The following COL6A2 variants were observed in gnomAD, a reference collection of about 807,000 sequenced individuals.
COL6A2 encodes the protein collagen type VI alpha 2 chain.
In COL6A2, 90 loss-of-function variants were observed where a neutral mutation model predicts 124.9. The observed-to-expected ratio is 0.72, with a 90% CI of 0.61 to 0.86. The LOEUF is 0.86. Among genes scored for constraint, COL6A2 ranks in the 40% least tolerant of loss-of-function variants. The pLI is 0.00. For synonymous variants in COL6A2, 793 were observed against 618.2 expected, an observed-to-expected ratio of 1.28 and a Z score of -4.19; for missense variants, 1,607 against 1,502.5, an observed-to-expected ratio of 1.07 and a Z score of -1.15.
chr21:46,131,314 A>G (rs2078757181), intron 27 of COL6A2, among the ~76,000 whole-genome samples: 1 of 152,186 alleles, frequency 6.6e-6, no homozygotes, highest in Admixed American at 6.5e-5. Context: ...CCCGATGCCC[A>G]GGGCTGGTGA....
chr21:46,131,460 G>A (rs976142917), intron 27 of COL6A2, among the ~76,000 whole-genome samples: 3 of 152,220 alleles, frequency 2.0e-5, no homozygotes, highest in East Asian at 1.9e-4. Flanking sequence ...GGGGCTCCTG[G>A]TCTTTCCGGG....
In COL6A2 at chr21:46,120,526, C is replaced by A; in HGVS notation, c.1344C>A (p.Gly448=). ...DGPKGEKGDP[G]PEGPRGLAGE... ...TTCCCTTCCCACAGGGGGACCCTGG[C>A]CCTGAGGGGCCCCGCGGCCTGGCTG... The change falls in exon 16 of 28, where the codon GGC becomes GGA. Residue 448 remains glycine, a synonymous_variant. Coordinates refer to ENST00000300527, the MANE Select transcript of COL6A2 (RefSeq NM_001849.4). The A allele has an allele frequency of 6.7e-7, 1 of 1,493,990 alleles. No individual in the cohort carries two copies. Among genetic ancestry groups the A allele is most frequent in the Non-Finnish European group, 8.9e-7 (1 of 1,124,322 alleles). The allele number at this position is 1,493,990 out of a possible 1,614,324, so 92.5% of individuals were successfully genotyped here.
In COL6A2 at chr21:46,125,933, C is replaced by T. The variant is rs759188267; in HGVS notation, c.2118C>T (p.Ala706=). The T allele has an allele frequency of 2.5e-6, 4 of 1,613,204 alleles. No homozygotes were observed. The highest frequency in any genetic ancestry group is 3.4e-6 in the Non-Finnish European group (4 of 1,179,968). ...CGGGCGGCACCTGGACACCCTCAGC[C>T]CTCAAGTTTGCCTACGACCGCCTCA... ...WIAGGTWTPS[A]LKFAYDRLIK... The change falls in exon 26 of 28, where the codon GCC becomes GCT. Residue 706 remains alanine (A), a synonymous_variant. Transcript: ENST00000300527.
chr21:46,120,435 C>A lies in COL6A2; in HGVS notation c.1333-80C>A, dbSNP rs79433633. On this transcript the variant is annotated intron_variant, in intron 15 of 27. Coordinates refer to ENST00000300527, the MANE Select transcript of COL6A2 (RefSeq NM_001849.4). Reference sequence around the variant, plus strand: ...CTCCCAGGCCCCCTTCCCCAACCCCCGGCCACACCCGCCTCTCACATGGGA... The same window carrying A: ...CTCCCAGGCCCCCTTCCCCAACCCCAGGCCACACCCGCCTCTCACATGGGA... 5 of 1,207,446 alleles carry A rather than the reference C, an allele frequency of 4.1e-6. No individual in the cohort carries two copies. In the African/African-American group the frequency reaches 6.1e-5, roughly 15 times the overall value. 74.8% of individuals were successfully genotyped at this position (1,207,446 alleles called of 1,614,324 possible).
chr21:46,129,453 A>G, intron 27 of COL6A2: 1 of 1,602,024 alleles, frequency 6.2e-7, no homozygotes, highest in East Asian at 2.2e-5. Flanking sequence ...GCACAGGGAC[A>G]TCGTGGGGGA....
intron 27 of COL6A2, chr21:46,129,030 C>T: frequency 6.2e-6 from 10 of 1,602,154 alleles, no homozygotes; most frequent in Non-Finnish European, 7.6e-6. Flanking sequence ...CCCCACGCCT[C>T]CTGCCAAGGC....
Position 46,121,497 on chromosome 21 carries a change from C to T in COL6A2, c.1459-59C>T, listed in dbSNP as rs2078565450. 7 of 1,541,542 alleles carry T rather than the reference C, an allele frequency of 4.5e-6. 1 individual carries two copies. Among genetic ancestry groups the T allele is most frequent in the South Asian group, 2.2e-5 (2 of 89,200 alleles). On this transcript the variant is annotated intron_variant, in intron 17 of 27. Transcript: ENST00000300527. Reference sequence around the variant, plus strand: ...GGGCTGGACGGGGCATGTCAGGTGACCCCTGGGCATGGCCAGTCCCTGCCT... The same window carrying T: ...GGGCTGGACGGGGCATGTCAGGTGATCCCTGGGCATGGCCAGTCCCTGCCT...
At position 46,132,018 on chromosome 21, in the gene COL6A2, G is replaced by A. The variant is rs1176279023; in HGVS notation, c.2526G>A (p.Glu842=). Residue 842 remains glutamate, a synonymous_variant, in exon 28 of 28, where the codon GAG becomes GAA. Transcript: ENST00000300527. The part of the protein sequence containing the change: ...VDIVFLLDGS[E]RLGEQNFHKA... The stretch of plus-strand genomic sequence containing the variant: ...TCGTCTTCCTGCTGGACGGCTCCGA[G>A]CGGCTGGGTGAGCAGAACTTCCACA... The A allele has an allele frequency of 6.2e-7, 1 of 1,609,504 alleles. No individual in the cohort carries two copies. Among genetic ancestry groups the A allele is most frequent in the Non-Finnish European group, 8.5e-7 (1 of 1,179,412 alleles).
At chr21:46,106,767 G>A (rs1224462859) in intron 1 of COL6A2, among the ~76,000 whole-genome samples, 1 of 152,128 alleles carries the variant, frequency 6.6e-6, no homozygotes, top group Non-Finnish European at 1.5e-5. Flanking sequence ...TGGAGTGTTG[G>A]CCTGTTCCAG....
At position 46,132,564 on chromosome 21, in the gene COL6A2, G is replaced by T. The variant is rs376091611; in HGVS notation, c.*12G>T. ...GCTGGATCTGCTAGCGCCGCCGCCC[G>T]GGCCCCGCAGTCGAGGGTCGTGAGC... On this transcript the variant is annotated 3_prime_UTR_variant, in exon 28 of 28. Coordinates refer to ENST00000300527, the MANE Select transcript of COL6A2 (RefSeq NM_001849.4). 6.3e-7 allele frequency: 1 copy of T among 1,583,196 alleles called. No individual in the cohort carries two copies. Among genetic ancestry groups the T allele is most frequent in the Non-Finnish European group, 8.5e-7 (1 of 1,170,240 alleles).
At position 46,116,870 on chromosome 21, in the gene COL6A2, C is replaced by T. The variant is rs189785317; in HGVS notation, c.999+56C>T. 5.7e-5 allele frequency: 90 copies of T among 1,590,356 alleles called. No homozygotes were observed. In the Admixed American group the frequency reaches 1.5e-3, roughly 27 times the overall value. ...TGGTCTCACAGAGGCATCCCAGCCT[C>T]TGCAGGGCCCCCAGATCCAGCCTGA... On this transcript the variant is annotated intron_variant, in intron 10 of 27. Coordinates refer to ENST00000300527, the MANE Select transcript of COL6A2 (RefSeq NM_001849.4). The surrounding 1 kb of genome is among the most constrained non-coding windows in gnomAD (Gnocchi z 4.6).
chr21:46,126,415 G>C, intron 26 of COL6A2, 88 bp from the exon 27 acceptor site: 2 of 1,579,660 alleles, frequency 1.3e-6, no homozygotes, highest in Non-Finnish European at 1.7e-6. Context: ...GCTGCACCCT[G>C]AGCCTGTCTA....
At chr21:46,118,077 T>C in intron 12 of COL6A2, 141 bp downstream of exon 12, 5 of 797,830 alleles carry the variant, frequency 6.3e-6, no homozygotes, top group South Asian at 5.4e-5. Flanking sequence ...CCGTGGGATG[T>C]GGTGGAGGGT....
At chr21:46,127,137 G>A (rs1026619499) in intron 27 of COL6A2, among the ~76,000 whole-genome samples, 5 of 152,062 alleles carry the variant, frequency 3.3e-5, no homozygotes, top group Admixed American at 1.3e-4. Context: ...CTGCTGCACC[G>A]TACCTGGGCC....
intron 1 of COL6A2, among the ~76,000 whole-genome samples, chr21:46,099,889 C>CTTT (rs869028897): frequency 1.1e-4 from 10 of 91,836 alleles, no homozygotes; most frequent in African/African-American, 1.9e-4. Context: ...GCAGCACTGT[C>CTTT]TTTTTTTTTT....
chr21:46,108,555 A>G (rs1429804495), intron 1 of COL6A2, among the ~76,000 whole-genome samples: 2 of 152,170 alleles, frequency 1.3e-5, no homozygotes, highest in South Asian at 2.1e-4. Context: ...TTCTACTCCT[A>G]AATTTCTTAC....
chr21:46,130,271 GC>G (rs1181107982), intron 27 of COL6A2, among the ~76,000 whole-genome samples: 3 of 152,344 alleles, frequency 2.0e-5, no homozygotes, highest in African/African-American at 7.2e-5. Flanking sequence ...AGTCGGGGGA[GC>G]ATCCACCAGG....
chr21:46,126,575 C>T (rs765972913), intron 27 of COL6A2, 34 bp downstream of exon 27: 2 of 1,612,718 alleles, frequency 1.2e-6, no homozygotes, highest in South Asian at 1.1e-5. Flanking sequence ...CCACCCCAGA[C>T]TAGCAAAGCA....
At chr21:46,128,852 G>C (rs573816757) in intron 27 of COL6A2, 1 of 1,503,246 alleles carries the variant, frequency 6.7e-7, no homozygotes, top group Admixed American at 1.7e-5. Context: ...TCCTGGCGAC[G>C]GGCCTGCGGC....
Sources: allele counts gnomAD v4.1 joint callset (sites outside exome capture counted in the v4.1 genomes callset), GRCh38; gene constraint gnomAD v4.1.1; non-coding constraint Gnocchi (gnomAD v3.1); transcripts MANE v1.5; gene names NCBI Gene and HGNC (gene_info 2026-07-23, HGNC 2026-07-21).